The following AHNAK variants were observed in gnomAD, a reference collection of about 807,000 sequenced individuals.
AHNAK encodes neuroblast differentiation-associated protein AHNAK.
Under a neutral mutation model 37.8 loss-of-function variants are expected in AHNAK, and 23 were observed. That is an observed-to-expected ratio of 0.61 (90% confidence interval 0.44 to 0.86). AHNAK has a LOEUF of 0.86. Ranked by LOEUF, AHNAK falls within the 40% of genes least tolerant of loss-of-function variation. The probability of loss-of-function intolerance (pLI) is 0.00; values close to 1 mark genes in which losing one functional copy is unlikely to be tolerated. For synonymous variants in AHNAK, 2,481 were observed against 2,636.3 expected, an observed-to-expected ratio of 0.94 and a Z score of 1.80; for missense variants, 7,411 against 7,319.4, an observed-to-expected ratio of 1.01 and a Z score of -0.46.
rs753736820 is a variant in AHNAK, at chr11:62,519,187, G to A, written c.15230C>T (p.Ser5077Leu). The change falls in exon 5 of 5, where the codon TCG becomes TTG. Residue 5077 changes from serine to leucine, a missense_variant. Physicochemically the swap from Ser to Leu is moderately radical, Grantham distance 145. Transcript: ENST00000378024. ...PDAALKVDVKSPKTKKTMFGK... is the reference protein window; with the variant it reads ...PDAALKVDVKLPKTKKTMFGK... Reference sequence around the variant, plus strand: ...AAACATCGTTTTCTTGGTTTTGGGCGATTTCACGTCGACTTTGAGTGCAGC... The same window carrying A: ...AAACATCGTTTTCTTGGTTTTGGGCAATTTCACGTCGACTTTGAGTGCAGC... 13 of 1,612,994 alleles carry A rather than the reference G, an allele frequency of 8.1e-6. No homozygotes were observed. The highest frequency in any genetic ancestry group is 4.4e-5 in the South Asian group (4 of 90,854).
intron 1 of AHNAK, among the ~76,000 whole-genome samples, chr11:62,544,914 T>TA (rs1300656936): frequency 1.3e-5 from 2 of 152,080 alleles, no homozygotes; most frequent in African/African-American, 4.8e-5. Context: ...ACCCAACACC[T>TA]ACCATGCACT....
At chr11:62,455,817 A>G (rs1938645493) in intron 5 of AHNAK, among the ~76,000 whole-genome samples, 1 of 151,740 alleles carries the variant, frequency 6.6e-6, no homozygotes, top group African/African-American at 2.4e-5. Flanking sequence ...GTGAGCCAAG[A>G]TCGCACCATT....
At position 62,455,748 on chromosome 11, in the gene AHNAK, C is replaced by A. The variant is rs544307404; in HGVS notation, c.443-21857G>T. 2.6e-5 allele frequency among the ~76,000 whole-genome samples: 4 copies of A among 151,820 alleles called. No individual in the cohort carries two copies. In the South Asian group the frequency reaches 8.3e-4, roughly 32 times the overall value. On this transcript the variant is annotated intron_variant, in intron 5 of 5. Transcript: ENST00000257247. ...GGCATGGTGGCGGGCACTTGTAATC[C>A]CAGCTACTAGGGAGGCTGAGGCAGG...
chr11:62,543,501 C>T (rs964779343), intron 1 of AHNAK, among the ~76,000 whole-genome samples: 2 of 152,218 alleles, frequency 1.3e-5, no homozygotes, highest in Non-Finnish European at 2.9e-5. Context: ...GGGACGACAC[C>T]TGCAATGCTA....
At chr11:62,480,988 G>C (rs112305512) in intron 5 of AHNAK, among the ~76,000 whole-genome samples, 49 of 152,086 alleles carry the variant, frequency 3.2e-4, no homozygotes, top group African/African-American at 1.1e-3. Flanking sequence ...GTGAGTAACC[G>C]ATGAAACCCG....
At position 62,518,222 on chromosome 11, in the gene AHNAK, C is replaced by A; in HGVS notation, c.16195G>T (p.Gly5399Cys). ...APDLSLEASE[G>C]SIKLPKMKLP... ...TTCATTTTGGGAAGTTTAATGCTGC[C>A]TTCGGATGCCTCCAAGCTTAGATCA... Residue 5399 changes from glycine (G) to cysteine (C), a missense_variant, in exon 5 of 5, where the codon GGC becomes TGC. Physicochemically the swap from Gly to Cys is radical, Grantham distance 159. Coordinates refer to ENST00000378024, the MANE Select transcript of AHNAK (RefSeq NM_001620.3). 6.2e-7 allele frequency: 1 copy of A among 1,614,174 alleles called. No homozygotes were observed. The highest frequency in any genetic ancestry group is 8.5e-7 in the Non-Finnish European group (1 of 1,180,030).
chr11:62,536,229 G>C, intron 2 of AHNAK, 131 bp from the exon 3 acceptor site: 2 of 977,556 alleles, frequency 2.0e-6, no homozygotes, highest in South Asian at 1.9e-5. Context: ...TGCCCCTGCA[G>C]CTGGCTCACC....
At chr11:62,480,926 C>T (rs1939257907) in intron 5 of AHNAK, among the ~76,000 whole-genome samples, 3 of 151,852 alleles carry the variant, frequency 2.0e-5, no homozygotes, top group Admixed American at 2.0e-4. Flanking sequence ...GAAAACAGAC[C>T]TCAGTAAATA....
At chr11:62,538,998 C>A (rs371519760) in intron 1 of AHNAK, among the ~76,000 whole-genome samples, 1 of 152,156 alleles carries the variant, frequency 6.6e-6, no homozygotes, top group African/African-American at 2.4e-5. Context: ...TTTGACAACG[C>A]GGTGTGGACA....
intron 5 of AHNAK, among the ~76,000 whole-genome samples, chr11:62,456,054 G>A: frequency 6.6e-6 from 1 of 151,894 alleles, no homozygotes; most frequent in East Asian, 1.9e-4. Flanking sequence ...AAACAAAAGA[G>A]GAAAGTCAGA....
chr11:62,522,204 T>C lies in AHNAK; in HGVS notation c.12213A>G (p.Pro4071=). Residue 4071 remains proline, a synonymous_variant, in exon 5 of 5, where the codon CCA becomes CCG. Transcript: ENST00000378024. ...PKVKMPKFSM[P]GFKGEGPEVD... Reference sequence around the variant, plus strand: ...CTTCTGGGCCCTCTCCTTTAAATCCTGGCATGCTGAATTTGGGCATTTTCA... The same window carrying C: ...CTTCTGGGCCCTCTCCTTTAAATCCCGGCATGCTGAATTTGGGCATTTTCA... The C allele has an allele frequency of 6.2e-7, 1 of 1,610,480 alleles. No homozygotes were observed.
intron 5 of AHNAK, among the ~76,000 whole-genome samples, chr11:62,473,898 G>T (rs1301122414): frequency 6.6e-6 from 1 of 151,680 alleles, no homozygotes; most frequent in African/African-American, 2.4e-5. Context: ...TACTCGGGAG[G>T]CTAAGGTAGG....
intron 5 of AHNAK, among the ~76,000 whole-genome samples, chr11:62,443,711 C>A (rs190659028): frequency 6.6e-6 from 1 of 152,280 alleles, no homozygotes; most frequent in East Asian, 1.9e-4. Context: ...TCATCAAATG[C>A]CCCTCAGCCT....
rs564410059 is a variant in AHNAK at position 62,498,738 on chromosome 11, G to A, written c.343-6907C>T. Among the ~76,000 whole-genome samples the A allele has an allele frequency of 1.0e-3, 153 of 151,822 alleles. 1 individual carries two copies. The highest frequency in any genetic ancestry group is 3.6e-3 in the African/African-American group (150 of 41,376). On this transcript the variant is annotated intron_variant, in intron 4 of 5. Transcript: ENST00000257247. ...GTTGCAGTGAGCTGTGATCATGCCA[G>A]TGCACTCCAGCCTGAGTGACAGAGC...
At chr11:62,498,196 T>G (rs1939647044) in intron 4 of AHNAK, among the ~76,000 whole-genome samples, 1 of 152,126 alleles carries the variant, frequency 6.6e-6, no homozygotes, top group Non-Finnish European at 1.5e-5. Context: ...GTGGTTGTTG[T>G]GTCGTTGCTA....
rs754153178 is a variant in AHNAK at position 62,527,880 on chromosome 11, G to A, written c.6537C>T (p.Phe2179=). The A allele has an allele frequency of 1.1e-5, 17 of 1,613,692 alleles. No homozygotes were observed. In the Admixed American group the frequency reaches 2.7e-4, roughly 25 times the overall value. ...GPKFKMPEMH[F]KTPKISMPDV... is the part of the protein sequence containing the mutation. ...CAGGCATGGAGATCTTGGGGGTCTT[G>A]AAGTGCATCTCAGGCATCTTAAACT... Residue 2179 remains phenylalanine, a synonymous_variant, in exon 5 of 5, where the codon TTC becomes TTT. Transcript: ENST00000378024.
intron 5 of AHNAK, among the ~76,000 whole-genome samples, chr11:62,487,319 C>A (rs1025685079): frequency 6.6e-6 from 1 of 152,222 alleles, no homozygotes; most frequent in Non-Finnish European, 1.5e-5. Flanking sequence ...CATGCCCCAA[C>A]GTAGAGTAGC....
At chr11:62,454,765 A>G (rs1938620474) in intron 5 of AHNAK, among the ~76,000 whole-genome samples, 1 of 151,938 alleles carries the variant, frequency 6.6e-6, no homozygotes, top group Non-Finnish European at 1.5e-5. Flanking sequence ...GAGGCATTTA[A>G]TGAGTGATCT....
chr11:62,523,253 C>G lies in AHNAK; in HGVS notation c.11164G>C (p.Glu3722Gln). 1 of 1,612,574 alleles carries G rather than the reference C, an allele frequency of 6.2e-7. No individual in the cohort carries two copies. The highest frequency in any genetic ancestry group is 8.5e-7 in the Non-Finnish European group (1 of 1,179,600). Residue 3722 changes from glutamate to glutamine, a missense_variant, in exon 5 of 5, where the codon GAA becomes CAA. Transcript: ENST00000378024. ...CCCTTGAATTTACCCTCTGAGCCTT[C>G]GATGTTAATGTCAGGAGTGTCAATG... ...VDIDTPDINI[E>Q]GSEGKFKGPK...
Sources: allele counts gnomAD v4.1 joint callset (sites outside exome capture counted in the v4.1 genomes callset), GRCh38; gene constraint gnomAD v4.1.1; transcripts MANE v1.5; gene names NCBI Gene and HGNC (gene_info 2026-07-23, HGNC 2026-07-21).